Variants in ALS2CL observed in about 807,000 individuals in gnomAD.
ALS2CL encodes ALS2 C-terminal-like protein.
A neutral mutation model predicts 127.9 loss-of-function variants in ALS2CL; 112 were observed. That is an observed-to-expected ratio of 0.88 (90% CI 0.75 to 1.02). The LOEUF (loss-of-function observed/expected upper bound fraction) is 1.02. Among genes scored for constraint, ALS2CL ranks in the 50% least tolerant of loss-of-function variants. The pLI is 0.00. For missense variants in ALS2CL, 1,174 were observed against 1,236.7 expected (o/e 0.95, Z 0.76); for synonymous variants, 519 against 527.6 (o/e 0.98, Z 0.22).
Position 46,670,730 on chromosome 3 carries a change from G to T in ALS2CL, c.*254C>A. The T allele has an allele frequency of 2.1e-6, 1 of 472,402 alleles. No individual in the cohort carries two copies. The highest frequency in any genetic ancestry group is 3.3e-5 in the Admixed American group (1 of 30,242). 29.3% of individuals were successfully genotyped at this position (472,402 alleles called of 1,614,324 possible). ...GCCAGGGACTCCTCACCCCCAGCCT[G>T]TGAGCTGCTGCAGATTAAGGGGTCA... is the stretch of plus-strand genomic sequence containing the variant. On this transcript the variant is annotated 3_prime_UTR_variant, in exon 26 of 26. Transcript: ENST00000318962. The surrounding 1 kb of genome is among the most constrained non-coding windows in gnomAD (Gnocchi z 5.5).
chr3:46,680,539 C>A lies in ALS2CL; in HGVS notation c.1439G>T (p.Gly480Val). 1 of 1,611,366 alleles carries A rather than the reference C, an allele frequency of 6.2e-7. No individual in the cohort carries two copies. Among genetic ancestry groups the A allele is most frequent in the Non-Finnish European group, 8.5e-7 (1 of 1,179,474 alleles). ...GYGIEEDGDRGERYIGMWQAG... is the reference protein window; with the variant it reads ...GYGIEEDGDRVERYIGMWQAG... ...CTGCCACATGCCAATGTAGCGCTCA[C>A]CTCTGGAAGGAGAGGAATGTGGCCA... Residue 480 changes from glycine to valine, a missense_variant and splice_region_variant, in exon 14 of 26, where the codon GGT (glycine) becomes GTT (valine). Physicochemically the swap from Gly to Val is moderately radical, Grantham distance 109. Transcript: ENST00000318962.
chr3:46,675,425 C>T, intron 20 of ALS2CL, 193 bp downstream of exon 20: 1 of 582,834 alleles, frequency 1.7e-6, no homozygotes, highest in Non-Finnish European at 3.0e-6. Flanking sequence ...AGCAGTGCCC[C>T]CTCCCTGGTT....
At chr3:46,677,763 A>T (rs369496009) in intron 16 of ALS2CL, among the ~76,000 whole-genome samples, 1 of 152,236 alleles carries the variant, frequency 6.6e-6, no homozygotes, top group East Asian at 1.9e-4. Flanking sequence ...CTGTTCCTAC[A>T]GGAAAAGAAG....
At chr3:46,692,329 G>T (rs1227628337) in intron 1 of ALS2CL, among the ~76,000 whole-genome samples, 2 of 152,092 alleles carry the variant, frequency 1.3e-5, no homozygotes, top group Non-Finnish European at 2.9e-5. Flanking sequence ...TTAATATGAG[G>T]AGGATCCTGC....
chr3:46,677,119 C>T, intron 16 of ALS2CL, 97 bp from the exon 17 acceptor site: 1 of 1,498,230 alleles, frequency 6.7e-7, no homozygotes, highest in South Asian at 1.3e-5. Flanking sequence ...GGGGTATGAG[C>T]CTGGCCCAGG....
chr3:46,686,253 C>G lies in ALS2CL; in HGVS notation c.666+55G>C. The G allele has an allele frequency of 6.5e-7, 1 of 1,549,316 alleles. No homozygotes were observed. The highest frequency in any genetic ancestry group is 8.7e-7 in the Non-Finnish European group (1 of 1,148,320). On this transcript the variant is annotated intron_variant, in intron 6 of 25. Coordinates refer to ENST00000318962, the MANE Select transcript of ALS2CL (RefSeq NM_147129.5). The surrounding 1 kb of genome is among the most constrained non-coding windows in gnomAD (Gnocchi z 4.3). Reference sequence around the variant, plus strand: ...GCAAGCAGCTCAAGCCCCCCAACATCTCCATGCCCAATGTGGAACCCCCTC... The same window carrying G: ...GCAAGCAGCTCAAGCCCCCCAACATGTCCATGCCCAATGTGGAACCCCCTC...
chr3:46,683,558 G>A (rs1341352289), intron 9 of ALS2CL, among the ~76,000 whole-genome samples: 1 of 152,146 alleles, frequency 6.6e-6, no homozygotes, highest in Non-Finnish European at 1.5e-5. Context: ...CAAGACCTCA[G>A]GGCAGGGATC....
chr3:46,685,591 G>A lies in ALS2CL; in HGVS notation c.720C>T (p.Pro240=), dbSNP rs150493754. The A allele has an allele frequency of 1.1e-5, 17 of 1,613,864 alleles. No homozygotes were observed. In the African/African-American group the frequency reaches 1.5e-4, roughly 14 times the overall value. ...CAGCCCGCAACGGTGCGACCGTCACGGGTACGTCCTGGCTGTCCTGAAGGA... is the reference window on the plus strand; with the variant it reads ...CAGCCCGCAACGGTGCGACCGTCACAGGTACGTCCTGGCTGTCCTGAAGGA... ...HRLLQDSQDV[P]VTVAPLRAER... is the part of the protein sequence containing the mutation. The change falls in exon 7 of 26, where the codon CCC becomes CCT. Residue 240 remains proline (P), a synonymous_variant. Transcript: ENST00000318962.
At position 46,686,031 on chromosome 3, in the gene ALS2CL, C is replaced by T. The variant is rs937748431; in HGVS notation, c.666+277G>A. On this transcript the variant is annotated intron_variant, in intron 6 of 25. Coordinates refer to ENST00000318962, the MANE Select transcript of ALS2CL (RefSeq NM_147129.5). This position sits in a 1 kb window ranked among gnomAD's most constrained non-coding sequence, Gnocchi z 4.3. ...CAGTCCATGCCATGGTGGGCAGTGA[C>T]GCAAGGGTGTGATCGGTGATATCCC... Among the ~76,000 whole-genome samples, 8 of 152,310 alleles carry T rather than the reference C, an allele frequency of 5.3e-5. No individual in the cohort carries two copies. The highest frequency in any genetic ancestry group is 2.1e-4 in the South Asian group (1 of 4,826).
At position 46,681,903 on chromosome 3, in the gene ALS2CL, T is replaced by C. The variant is rs1342774447; in HGVS notation, c.1175+126A>G. On this transcript the variant is annotated intron_variant, in intron 11 of 25. Transcript: ENST00000318962. The surrounding 1 kb of genome is among the most constrained non-coding windows in gnomAD (Gnocchi z 4.9). ...TACAGTGGGCGGGGGCTGGACCGGA[T>C]TGTCTCTAAGTTCCTGCTTGAGGTT... 5.7e-6 allele frequency: 7 copies of C among 1,221,440 alleles called. No homozygotes were observed. Among genetic ancestry groups the C allele is most frequent in the Non-Finnish European group, 8.1e-6 (7 of 860,518 alleles). 75.7% of individuals were successfully genotyped at this position (1,221,440 alleles called of 1,614,324 possible). A position where few individuals can be genotyped will look rare whatever the true frequency, so the allele number is the denominator to read the frequency against.
intron 16 of ALS2CL, 195 bp from the exon 17 acceptor site, chr3:46,677,217 A>T (rs1427817277): frequency 5.1e-5 from 73 of 1,418,298 alleles, no homozygotes; most frequent in Admixed American, 1.5e-4. Context: ...AGAGAAAGGG[A>T]CAGAGAATCT....
chr3:46,675,900 T>C (rs1698774700), intron 19 of ALS2CL: 1 of 1,434,054 alleles, frequency 7.0e-7, no homozygotes, highest in Non-Finnish European at 9.1e-7. Flanking sequence ...ATCTAAGGCT[T>C]CTATTTGCAG....
In ALS2CL at chr3:46,677,025, G is replaced by A. The variant is rs368140110; in HGVS notation, c.1758-3C>T. ...GGAAGGCACCCACGCCCAGCTGCCT[G>A]CGATGGGGATGGAGGGTGGGTGATG... is the stretch of plus-strand genomic sequence containing the variant. On this transcript the variant is annotated splice_polypyrimidine_tract_variant and splice_region_variant and intron_variant, in intron 16 of 25. Coordinates refer to ENST00000318962, the MANE Select transcript of ALS2CL (RefSeq NM_147129.5). 2 of 1,598,266 alleles carry A rather than the reference G, an allele frequency of 1.3e-6. No homozygotes were observed. The highest frequency in any genetic ancestry group is 1.7e-6 in the Non-Finnish European group (2 of 1,172,436).
At position 46,681,785 on chromosome 3, in the gene ALS2CL, C is replaced by T. The variant is rs527521200; in HGVS notation, c.1176-187G>A. Among the ~76,000 whole-genome samples the T allele has an allele frequency of 1.2e-4, 19 of 152,244 alleles. No individual in the cohort carries two copies. The highest frequency in any genetic ancestry group is 4.2e-4 in the South Asian group (2 of 4,816). ...AGGACCCCTCCCTCCAGCCTGGTCCCGAGCACCTTGGAGCACCTTTTGGCC... is the reference window on the plus strand; with the variant it reads ...AGGACCCCTCCCTCCAGCCTGGTCCTGAGCACCTTGGAGCACCTTTTGGCC... On this transcript the variant is annotated intron_variant, in intron 11 of 25. Coordinates refer to ENST00000318962, the MANE Select transcript of ALS2CL (RefSeq NM_147129.5). This position sits in a 1 kb window ranked among gnomAD's most constrained non-coding sequence, Gnocchi z 4.9.
chr3:46,685,513 C>G lies in ALS2CL; in HGVS notation c.786+12G>C. 1 of 1,612,874 alleles carries G rather than the reference C, an allele frequency of 6.2e-7. No homozygotes were observed. The highest frequency in any genetic ancestry group is 8.5e-7 in the Non-Finnish European group (1 of 1,179,092). The stretch of plus-strand genomic sequence containing the variant: ...CTGTGGCCTCAAGACCTTGGGTCAG[C>G]CCCACCCCAACCTGCAGCAGGACGA... On this transcript the variant is annotated intron_variant, in intron 7 of 25. Coordinates refer to ENST00000318962, the MANE Select transcript of ALS2CL (RefSeq NM_147129.5).
At chr3:46,677,218 C>T in intron 16 of ALS2CL, 196 bp from the exon 17 acceptor site, 2 of 1,416,830 alleles carry the variant, frequency 1.4e-6, no homozygotes, top group Non-Finnish European at 1.8e-6. Flanking sequence ...GAGAAAGGGA[C>T]AGAGAATCTA....
intron 6 of ALS2CL, 52 bp from the exon 7 acceptor site, chr3:46,685,696 C>G (rs1046174892): frequency 1.9e-6 from 3 of 1,561,052 alleles, no homozygotes; most frequent in Middle Eastern, 2.1e-4. Flanking sequence ...GTCCTGCAAG[C>G]TGCCTGCCAC....
rs1320757733 is a variant in ALS2CL at position 46,686,642 on chromosome 3, C to T, written c.535-203G>A. On this transcript the variant is annotated intron_variant, in intron 5 of 25. Transcript: ENST00000318962. This position sits in a 1 kb window ranked among gnomAD's most constrained non-coding sequence, Gnocchi z 4.3. The stretch of plus-strand genomic sequence containing the variant: ...GGCCCTGGGCCCACGTGTCCTCATT[C>T]CCAGGACGTGATTCTACCCCTGCTC... 1.3e-5 allele frequency among the ~76,000 whole-genome samples: 2 copies of T among 152,116 alleles called. No individual in the cohort carries two copies. The highest frequency in any genetic ancestry group is 4.8e-5 in the African/African-American group (2 of 41,412).
chr3:46,684,354 T>C (rs1381203244), intron 7 of ALS2CL, among the ~76,000 whole-genome samples: 1 of 152,150 alleles, frequency 6.6e-6, no homozygotes, highest in East Asian at 1.9e-4. Context: ...CTATGGCTCC[T>C]ACTGCCTGGG....
Sources: allele counts gnomAD v4.1 joint callset (sites outside exome capture counted in the v4.1 genomes callset), GRCh38; gene constraint gnomAD v4.1.1; non-coding constraint Gnocchi (gnomAD v3.1); transcripts MANE v1.5; gene names NCBI Gene and HGNC (gene_info 2026-07-23, HGNC 2026-07-21).